TBC1D19: variants seen among roughly 807,000 people sequenced by gnomAD.
The protein encoded by TBC1D19 is TBC1 domain family, member 19.
Under a neutral mutation model 89.0 loss-of-function variants are expected in TBC1D19, and 60 were observed. The observed-to-expected ratio is 0.67, with a 90% confidence interval of 0.55 to 0.84. The LOEUF is 0.84. TBC1D19 is among the 40% of genes least tolerant of loss of function. TBC1D19 has a pLI of 0.00. For synonymous variants in TBC1D19, 189 were observed against 199.7 expected (o/e 0.95, Z 0.45); for missense variants, 500 against 610.8 (o/e 0.82, Z 1.91).
chr4:26,646,228 T>A (rs1743936270), intron 7 of TBC1D19, among the ~76,000 whole-genome samples: 1 of 151,718 alleles, frequency 6.6e-6, no homozygotes, highest in Admixed American at 6.6e-5. Context: ...TCACCATCAC[T>A]GGCCATCAGA....
At chr4:26,623,242 C>G (rs1269984786) in intron 4 of TBC1D19, among the ~76,000 whole-genome samples, 1 of 152,136 alleles carries the variant, frequency 6.6e-6, no homozygotes, top group Non-Finnish European at 1.5e-5. Context: ...TTACTGTTTA[C>G]TTTCTCTCTT....
the TBC1D19 span, among the ~76,000 whole-genome samples, chr4:26,806,796 A>C: frequency 6.6e-6 from 1 of 152,224 alleles, no homozygotes; most frequent in Non-Finnish European, 1.5e-5. Context: ...ACTGAGACAC[A>C]GAGGGAAGAA....
intron 13 of TBC1D19, among the ~76,000 whole-genome samples, chr4:26,694,113 G>A (rs574393210): frequency 1.3e-5 from 2 of 152,218 alleles, no homozygotes; most frequent in East Asian, 1.9e-4. Flanking sequence ...GCCTCACCCG[G>A]GAAGCACAAG....
chr4:26,760,547 A>C (rs1719421593), downstream of TBC1D19, among the ~76,000 whole-genome samples: 1 of 152,180 alleles, frequency 6.6e-6, no homozygotes, highest in African/African-American at 2.4e-5. Context: ...ACTGCATTCC[A>C]GCCTGGATGA....
intron 13 of TBC1D19, among the ~76,000 whole-genome samples, chr4:26,709,141 A>G (rs1241401151): frequency 6.6e-6 from 1 of 151,726 alleles, no homozygotes; most frequent in Non-Finnish European, 1.5e-5. Flanking sequence ...TGTTGTTGTT[A>G]TTGTTTTAGT....
the TBC1D19 span, among the ~76,000 whole-genome samples, chr4:26,830,199 ACC>A: frequency 2.0e-5 from 3 of 151,998 alleles, no homozygotes; most frequent in African/African-American, 7.3e-5. Flanking sequence ...CTTGCAAATT[ACC>A]CCCCCTTTTT....
At chr4:26,792,952 C>T in the TBC1D19 span, among the ~76,000 whole-genome samples, 1 of 152,160 alleles carries the variant, frequency 6.6e-6, no homozygotes, top group African/African-American at 2.4e-5. Context: ...GGTTCTGTAA[C>T]CAAAAAATTA....
chr4:26,593,499 T>G (rs1344397035), intron 1 of TBC1D19, among the ~76,000 whole-genome samples: 1 of 152,224 alleles, frequency 6.6e-6, no homozygotes, highest in African/African-American at 2.4e-5. Context: ...GTGATCTAAT[T>G]AAACTAAAGA....
At chr4:26,757,294 C>T (rs1452470059), downstream of TBC1D19, among the ~76,000 whole-genome samples, 4 of 152,164 alleles carry the variant, frequency 2.6e-5, no homozygotes, top group African/African-American at 7.2e-5. Context: ...GGATTACAGG[C>T]GTGAGTGACC....
chr4:26,698,801 G>T (rs1378534302), intron 13 of TBC1D19, among the ~76,000 whole-genome samples: 1 of 152,124 alleles, frequency 6.6e-6, no homozygotes. Context: ...GGGAAAACTG[G>T]CTAGCCATAT....
intron 15 of TBC1D19, among the ~76,000 whole-genome samples, chr4:26,726,227 G>A (rs1439386653): frequency 6.6e-6 from 1 of 151,756 alleles, no homozygotes; most frequent in African/African-American, 2.4e-5. Context: ...TTGTCAGCCA[G>A]GGGAGAGGGA....
the TBC1D19 span, among the ~76,000 whole-genome samples, chr4:26,802,004 G>A: frequency 2.0e-5 from 3 of 152,034 alleles, no homozygotes; most frequent in East Asian, 5.8e-4. Context: ...CTGTATTAAT[G>A]CAGTCTTTTT....
intron 4 of TBC1D19, among the ~76,000 whole-genome samples, chr4:26,625,120 A>G (rs1190698389): frequency 1.3e-5 from 2 of 151,826 alleles, no homozygotes; most frequent in Non-Finnish European, 2.9e-5. Flanking sequence ...GCTCTTGATC[A>G]TGTCTTCAGA....
chr4:26,648,226 T>C (rs150344242), intron 7 of TBC1D19, among the ~76,000 whole-genome samples: 37 of 152,330 alleles, frequency 2.4e-4, no homozygotes, highest in Non-Finnish European at 4.7e-4. Flanking sequence ...ACCATCAAGA[T>C]ACATGTGAGA....
the TBC1D19 span, among the ~76,000 whole-genome samples, chr4:26,817,829 G>A: frequency 6.6e-5 from 10 of 151,658 alleles, no homozygotes; most frequent in East Asian, 1.9e-4. Context: ...TTAGCCGGGC[G>A]TGGTGGTGCG....
At chr4:26,737,784 A>G (rs918375950) in intron 16 of TBC1D19, among the ~76,000 whole-genome samples, 26 of 152,200 alleles carry the variant, frequency 1.7e-4, no homozygotes, top group Admixed American at 9.8e-4. Context: ...TTTAGTTACT[A>G]TATTTCTTTA....
chr4:26,657,168 G>T (rs562147431), intron 7 of TBC1D19, among the ~76,000 whole-genome samples: 1 of 151,460 alleles, frequency 6.6e-6, no homozygotes, highest in Admixed American at 6.6e-5. Flanking sequence ...CATGTGCCAT[G>T]GTGGTTTGCT....
chr4:26,656,962 T>TTCC (rs1306375517), intron 7 of TBC1D19, among the ~76,000 whole-genome samples: 1 of 39,720 alleles, frequency 2.5e-5, no homozygotes, highest in Non-Finnish European at 6.3e-5. Context: ...GCAATCTTTC[T>TTCC]TCTTCTTCTT....
At chr4:26,795,784 G>A in the TBC1D19 span, among the ~76,000 whole-genome samples, 3 of 152,174 alleles carry the variant, frequency 2.0e-5, no homozygotes, top group Non-Finnish European at 2.9e-5. Flanking sequence ...AAAAGTCAAT[G>A]CCTAAGATAG....
Sources: allele counts gnomAD v4.1 joint callset (sites outside exome capture counted in the v4.1 genomes callset), GRCh38; gene constraint gnomAD v4.1.1; transcripts MANE v1.5; gene names NCBI Gene and HGNC (gene_info 2026-07-23, HGNC 2026-07-21).